Variants in HDAC4 observed in about 807,000 individuals in gnomAD.
HDAC4 encodes histone deacetylase A.
A neutral mutation model predicts 135.1 loss-of-function variants in HDAC4; 16 were observed. The observed-to-expected ratio is 0.12, with a 90% confidence interval of 0.08 to 0.18. HDAC4 has a LOEUF of 0.18. Among genes scored for constraint, HDAC4 ranks in the 10% least tolerant of loss-of-function variants. HDAC4 has a pLI of 1.00. For missense variants in HDAC4, 1,143 were observed against 1,511.8 expected (o/e 0.76, Z 4.05); for synonymous variants, 685 against 653.4 (o/e 1.05, Z -0.74).
chr2:239,131,229 A>G (rs745861623), intron 11 of HDAC4, among the ~76,000 whole-genome samples: 14 of 152,268 alleles, frequency 9.2e-5, no homozygotes, highest in Non-Finnish European at 1.5e-4. Flanking sequence ...GAGACCCTGG[A>G]CCATGGCTCA....
intron 6 of HDAC4, among the ~76,000 whole-genome samples, chr2:239,160,077 G>A (rs1321824577): frequency 1.3e-5 from 2 of 152,222 alleles, no homozygotes; most frequent in Non-Finnish European, 2.9e-5. Flanking sequence ...AATACAACGA[G>A]GAACCACATA....
rs569943675 is a variant in HDAC4 at position 239,153,026 on chromosome 2, G to A, written c.733+3626C>T. On this transcript the variant is annotated intron_variant, in intron 7 of 26. Transcript: ENST00000543185. ...GAGCTTCCCCAGGTCCCAAGGTGGC[G>A]GGTGAAGGAGCTGGGTAGAAACTCA... Among the ~76,000 whole-genome samples the A allele has an allele frequency of 2.0e-4, 31 of 152,342 alleles. No individual in the cohort carries two copies. In the East Asian group the frequency reaches 4.6e-3, roughly 23 times the overall value.
chr2:239,274,475 C>T lies in HDAC4; in HGVS notation c.23-37811G>A, dbSNP rs143434018. Among the ~76,000 whole-genome samples the T allele has an allele frequency of 2.6e-5, 4 of 152,312 alleles. No homozygotes were observed. In the East Asian group the frequency reaches 5.8e-4, roughly 22 times the overall value. On this transcript the variant is annotated intron_variant, in intron 2 of 26. Transcript: ENST00000543185. Reference sequence around the variant, plus strand: ...CGCAAGAGATGGGAATGAGCCAGGGCGCCGCTGGTCTCTAAGCCACGAGCC... The same window carrying T: ...CGCAAGAGATGGGAATGAGCCAGGGTGCCGCTGGTCTCTAAGCCACGAGCC...
At chr2:239,269,261 CCACACATTCACACACCCA>C (rs1222573875) in intron 2 of HDAC4, among the ~76,000 whole-genome samples, 6,034 of 145,482 alleles carry the variant, frequency 0.041, 411 homozygotes, top group African/African-American at 0.14. Flanking sequence ...ATTCACACAC[CCACACATTCACACACCCA>C]CACACATTCA....
chr2:239,205,733 AAAGAAGG>A (rs2046007220), intron 3 of HDAC4, among the ~76,000 whole-genome samples: 1 of 152,118 alleles, frequency 6.6e-6, no homozygotes, highest in African/African-American at 2.4e-5. Context: ...GGAGAAGAAC[AAAGAAGG>A]AAGAAGGAAG....
chr2:239,135,175 G>A (rs193103995), intron 9 of HDAC4, among the ~76,000 whole-genome samples: 2 of 152,304 alleles, frequency 1.3e-5, no homozygotes, highest in East Asian at 1.9e-4. Context: ...TTCGCATGAC[G>A]TGATTATTAC....
chr2:239,129,401 C>G (rs2040413856), intron 11 of HDAC4, among the ~76,000 whole-genome samples: 1 of 152,200 alleles, frequency 6.6e-6, no homozygotes, highest in Admixed American at 6.5e-5. Flanking sequence ...GGACACAATT[C>G]TGTGGTCGGT....
intron 3 of HDAC4, among the ~76,000 whole-genome samples, chr2:239,225,821 T>C (rs1348935756): frequency 1.3e-5 from 2 of 152,180 alleles, no homozygotes; most frequent in Non-Finnish European, 2.9e-5. Flanking sequence ...GAGCCCCTCA[T>C]TGGAAACACA....
intron 4 of HDAC4, chr2:239,186,879 AC>A (rs1320385342): frequency 6.6e-6 from 1 of 152,270 alleles, no homozygotes; most frequent in Non-Finnish European, 1.5e-5. Context: ...AGTCAAACAC[AC>A]GGGGCTTAGG....
intron 2 of HDAC4, among the ~76,000 whole-genome samples, chr2:239,321,248 G>C (rs576578753): frequency 6.6e-6 from 1 of 152,080 alleles, no homozygotes; most frequent in Non-Finnish European, 1.5e-5. Flanking sequence ...GGCGGATCAC[G>C]AGGTCAGGAG....
chr2:239,153,804 A>G (rs146086843), intron 7 of HDAC4, among the ~76,000 whole-genome samples: 12 of 152,330 alleles, frequency 7.9e-5, no homozygotes, highest in Non-Finnish European at 1.5e-4. Context: ...TTTGCTTCCA[A>G]TCATCCCCAG....
intron 3 of HDAC4, among the ~76,000 whole-genome samples, chr2:239,209,357 G>A (rs547164342): frequency 6.6e-6 from 1 of 152,348 alleles, no homozygotes; most frequent in African/African-American, 2.4e-5. Context: ...GAAGAACTGA[G>A]AAGCAGTTGA....
At chr2:239,301,152 G>A (rs1192579158) in intron 2 of HDAC4, among the ~76,000 whole-genome samples, 1 of 152,184 alleles carries the variant, frequency 6.6e-6, no homozygotes, top group East Asian at 1.9e-4. Flanking sequence ...GCCCCTCATG[G>A]AGCCAGCCGG....
At position 239,082,194 on chromosome 2, in the gene HDAC4, G is replaced by T; in HGVS notation, c.2560C>A (p.Gln854Lys). Residue 854 changes from glutamine (Q) to lysine (K), a missense_variant, in exon 21 of 27, where the codon CAG becomes AAG. This residue lies in a region of HDAC4 where 189 missense variants were observed against 317.6 expected (regional missense o/e 0.60). Transcript: ENST00000543185. The stretch of plus-strand genomic sequence containing the variant: ...ACGCTGGGGTCGCTGTAGAAAGCCT[G>T]CTGGGTCCCGTTTCCATGGTGCACG... ...WDVHHGNGTQQAFYSDPSVLY... is the reference protein window; with the variant it reads ...WDVHHGNGTQKAFYSDPSVLY... The T allele has an allele frequency of 6.2e-7, 1 of 1,614,204 alleles. No individual in the cohort carries two copies. Among genetic ancestry groups the T allele is most frequent in the South Asian group, 1.1e-5 (1 of 91,088 alleles).
At chr2:239,106,430 C>T (rs2038136568) in intron 15 of HDAC4, among the ~76,000 whole-genome samples, 1 of 152,172 alleles carries the variant, frequency 6.6e-6, no homozygotes, top group Non-Finnish European at 1.5e-5. Flanking sequence ...AGCAGGACAG[C>T]TGTCTGGTCC....
intron 2 of HDAC4, among the ~76,000 whole-genome samples, chr2:239,247,502 T>C (rs954302481): frequency 1.3e-5 from 2 of 152,196 alleles, no homozygotes; most frequent in Non-Finnish European, 2.9e-5. Flanking sequence ...TCACCTTTGC[T>C]TCAGTGCCGC....
At chr2:239,305,283 G>A (rs986240348) in intron 2 of HDAC4, among the ~76,000 whole-genome samples, 10 of 152,242 alleles carry the variant, frequency 6.6e-5, no homozygotes, top group East Asian at 1.9e-4. Context: ...GATGGCAGTC[G>A]CCTCAGGGCT....
chr2:239,288,668 A>G (rs1375168054), intron 2 of HDAC4, among the ~76,000 whole-genome samples: 1 of 151,764 alleles, frequency 6.6e-6, no homozygotes, highest in Admixed American at 6.6e-5. Context: ...TTAATTAAAA[A>G]AAAAACGTAT....
chr2:239,334,248 G>A (rs576817258), intron 2 of HDAC4, among the ~76,000 whole-genome samples: 8 of 152,148 alleles, frequency 5.3e-5, no homozygotes, highest in Non-Finnish European at 1.0e-4. Flanking sequence ...GGCCAGGCAC[G>A]GTGGCTCATG....
Sources: allele counts gnomAD v4.1 joint callset (sites outside exome capture counted in the v4.1 genomes callset), GRCh38; gene constraint gnomAD v4.1.1; regional missense constraint gnomAD v4.1.1; transcripts MANE v1.5; gene names NCBI Gene and HGNC (gene_info 2026-07-23, HGNC 2026-07-21).